The following CDYL2 variants were observed in gnomAD, a reference collection of about 807,000 sequenced individuals.
CDYL2 encodes chromodomain Y-like protein 2.
A neutral mutation model predicts 49.4 loss-of-function variants in CDYL2; 23 were observed. The observed-to-expected ratio is 0.47, with a 90% CI of 0.34 to 0.66. The LOEUF (loss-of-function observed/expected upper bound fraction) is 0.66. Among genes scored for constraint, CDYL2 ranks in the 30% least tolerant of loss-of-function variants. The probability of loss-of-function intolerance (pLI) is 0.01; values close to 1 mark genes in which losing one functional copy is unlikely to be tolerated. For missense variants in CDYL2, 678 were observed against 656.4 expected (o/e 1.03, Z -0.36); for synonymous variants, 360 against 268.8 (o/e 1.34, Z -3.32).
chr16:80,628,535 C>A (rs1907405057), intron 3 of CDYL2, among the ~76,000 whole-genome samples: 1 of 152,216 alleles, frequency 6.6e-6, no homozygotes, highest in African/African-American at 2.4e-5. Flanking sequence ...GCCCCAGCCT[C>A]CACTTGACAG....
Position 80,602,185 on chromosome 16 carries a change from AAGG to A in CDYL2, c.*2200_*2202del, listed in dbSNP as rs1287565735. 1 of 152,206 alleles carries A rather than the reference AAGG, an allele frequency of 6.6e-6. No homozygotes were observed. The highest frequency in any genetic ancestry group is 1.5e-5 in the Non-Finnish European group (1 of 68,030). The allele number at this position is 152,206 out of a possible 1,614,324, so 9.4% of individuals were successfully genotyped here. ...TGGAAAGCTCACATTTGCTTTCTCAAAGGAGGAGATAAGATCCAGATAGAGCTG... is the reference window on the plus strand; with the variant it reads ...TGGAAAGCTCACATTTGCTTTCTCAAAGGAGATAAGATCCAGATAGAGCTG... On this transcript the variant is annotated 3_prime_UTR_variant, in exon 7 of 7. Transcript: ENST00000570137.
In CDYL2 at chr16:80,632,978, C is replaced by T. The variant is rs537102224; in HGVS notation, c.834+41G>A. On this transcript the variant is annotated intron_variant, in intron 3 of 6. Transcript: ENST00000570137. ...TATTCCATTCTGAGTGAGAAGGAGC[C>T]ACAGCCCAGCTTGCCCTTCCCTCTG... The T allele has an allele frequency of 2.5e-6, 4 of 1,579,304 alleles. No homozygotes were observed. The East Asian group carries it at 9.0e-5, about 35-fold the overall frequency.
chr16:80,647,479 C>T (rs1410103874), intron 2 of CDYL2, among the ~76,000 whole-genome samples: 3 of 152,102 alleles, frequency 2.0e-5, no homozygotes, highest in African/African-American at 7.2e-5. Context: ...TTTATATCTT[C>T]AGCAAGAAGA....
chr16:80,760,410 T>A (rs947468082), intron 1 of CDYL2, among the ~76,000 whole-genome samples: 1 of 152,190 alleles, frequency 6.6e-6, no homozygotes, highest in Non-Finnish European at 1.5e-5. Flanking sequence ...GAATAAGACC[T>A]ACTATTTGAA....
intron 1 of CDYL2, among the ~76,000 whole-genome samples, chr16:80,740,133 C>G (rs1278252118): frequency 2.0e-5 from 3 of 152,180 alleles, no homozygotes; most frequent in Admixed American, 6.5e-5. Context: ...GATTGACAAC[C>G]ACATGGACAA....
At chr16:80,757,559 T>C (rs1489991957) in intron 1 of CDYL2, among the ~76,000 whole-genome samples, 2 of 149,594 alleles carry the variant, frequency 1.3e-5, no homozygotes, top group East Asian at 1.9e-4. Flanking sequence ...AAAAAATATA[T>C]ATATATATAC....
rs1318238209 is a variant in CDYL2, at chr16:80,602,728, GA to G, written c.*1659del. On this transcript the variant is annotated 3_prime_UTR_variant, in exon 7 of 7. Transcript: ENST00000570137. The stretch of plus-strand genomic sequence containing the variant: ...GCCAAGAAAGGCTGGTGCCCAACAG[GA>G]AAGGGGAAGAAGGGGAGGGCCAAGG... 2.0e-5 allele frequency: 3 copies of G among 152,236 alleles called. No homozygotes were observed. The highest frequency in any genetic ancestry group is 7.2e-5 in the African/African-American group (3 of 41,448). The allele number at this position is 152,236 out of a possible 1,614,324, so 9.4% of individuals were successfully genotyped here.
intron 2 of CDYL2, among the ~76,000 whole-genome samples, chr16:80,680,571 C>G (rs986677183): frequency 6.6e-6 from 1 of 152,136 alleles, no homozygotes; most frequent in Non-Finnish European, 1.5e-5. Flanking sequence ...AGCAAACCCA[C>G]CAGCTTTTCT....
chr16:80,604,643 T>A, intron 6 of CDYL2, 97 bp from the exon 7 acceptor site: 2 of 1,319,530 alleles, frequency 1.5e-6, no homozygotes, highest in Non-Finnish European at 2.2e-6. Context: ...CCTCCCATAC[T>A]CACAGCCAGA....
intron 2 of CDYL2, among the ~76,000 whole-genome samples, chr16:80,665,745 G>A (rs1909235838): frequency 6.6e-6 from 1 of 151,954 alleles, no homozygotes; most frequent in African/African-American, 2.4e-5. Flanking sequence ...GAACAAACTC[G>A]GAGGCAGAAC....
intron 1 of CDYL2, among the ~76,000 whole-genome samples, chr16:80,720,346 C>A (rs1904956683): frequency 6.6e-6 from 1 of 152,140 alleles, no homozygotes; most frequent in African/African-American, 2.4e-5. Context: ...TGGGTTTTGC[C>A]CCGCAGATTT....
chr16:80,800,168 G>A (rs1200345225), intron 1 of CDYL2, among the ~76,000 whole-genome samples: 2 of 152,198 alleles, frequency 1.3e-5, no homozygotes, highest in African/African-American at 4.8e-5. Flanking sequence ...AATAGTGGCT[G>A]ATTTTCTAGC....
chr16:80,791,659 G>A (rs1357194730), intron 1 of CDYL2, among the ~76,000 whole-genome samples: 1 of 152,154 alleles, frequency 6.6e-6, no homozygotes, highest in African/African-American at 2.4e-5. Flanking sequence ...CAGTGTCCCA[G>A]TCATTTGGAA....
intron 2 of CDYL2, among the ~76,000 whole-genome samples, chr16:80,652,710 T>G (rs950529379): frequency 6.6e-6 from 1 of 152,172 alleles, no homozygotes; most frequent in South Asian, 2.1e-4. Flanking sequence ...TTAGTCTTTA[T>G]GAACTATAGA....
chr16:80,654,222 G>A (rs79474790), intron 2 of CDYL2, among the ~76,000 whole-genome samples: 2,546 of 152,234 alleles, frequency 0.017, 57 homozygotes, highest in African/African-American at 0.039. Flanking sequence ...CTGAGACTCC[G>A]GAACCCAACC....
chr16:80,644,548 T>C (rs925663534), intron 2 of CDYL2, among the ~76,000 whole-genome samples: 1 of 152,162 alleles, frequency 6.6e-6, no homozygotes, highest in Non-Finnish European at 1.5e-5. Context: ...CAGTTCCACA[T>C]AGCTGTGGAG....
intron 1 of CDYL2, among the ~76,000 whole-genome samples, chr16:80,757,923 G>C (rs1311086164): frequency 2.6e-5 from 4 of 151,956 alleles, no homozygotes; most frequent in Non-Finnish European, 4.4e-5. Flanking sequence ...CTTAAAAATT[G>C]ACTCCATAAA....
rs1032051749 is a variant in CDYL2 at position 80,598,362 on chromosome 16, T to G, written c.*6026A>C. On this transcript the variant is annotated 3_prime_UTR_variant, in exon 7 of 7. Coordinates refer to ENST00000570137, the MANE Select transcript of CDYL2 (RefSeq NM_152342.4). ...GGTAGCCTGCTTCATTATCGGAAGT[T>G]TGGTAATAAGCCTTACCAATAGAAT... The G allele has an allele frequency of 2.0e-5, 3 of 152,052 alleles. No individual in the cohort carries two copies. The highest frequency in any genetic ancestry group is 7.2e-5 in the African/African-American group (3 of 41,396). The allele number at this position is 152,052 out of a possible 1,614,324, so 9.4% of individuals were successfully genotyped here.
intron 1 of CDYL2, among the ~76,000 whole-genome samples, chr16:80,757,950 C>T (rs559405975): frequency 6.6e-6 from 1 of 152,098 alleles, no homozygotes; most frequent in South Asian, 2.1e-4. Flanking sequence ...TGTAAGATAA[C>T]TGGGCTAGTG....
Sources: gnomAD v4.1 joint callset for allele counts (sites outside exome capture counted in the v4.1 genomes callset) on GRCh38, gnomAD v4.1.1 for gene constraint, MANE v1.5 for transcripts, NCBI Gene and HGNC (gene_info 2026-07-23, HGNC 2026-07-21) for gene names.